The following POLR3B variants were observed in gnomAD, a reference collection of about 807,000 sequenced individuals.
POLR3B encodes RNA polymerase III subunit B.
Under a neutral mutation model 147.4 loss-of-function variants are expected in POLR3B, and 96 were observed. That is an observed-to-expected ratio of 0.65 (90% CI 0.55 to 0.77). POLR3B has a LOEUF of 0.77. Among genes scored for constraint, POLR3B ranks in the 30% least tolerant of loss-of-function variants. The probability of loss-of-function intolerance (pLI) is 0.00; values close to 1 mark genes in which losing one functional copy is unlikely to be tolerated. For synonymous variants in POLR3B, 461 were observed against 485.9 expected (o/e 0.95, Z 0.67); for missense variants, 1,036 against 1,413.5 (o/e 0.73, Z 4.28).
intron 23 of POLR3B, among the ~76,000 whole-genome samples, chr12:106,480,335 C>T (rs1246572524): frequency 2.6e-5 from 4 of 152,172 alleles, no homozygotes; most frequent in African/African-American, 9.7e-5. Flanking sequence ...TAGTGAATAT[C>T]ATTGCTGGGT....
intron 10 of POLR3B, among the ~76,000 whole-genome samples, chr12:106,399,906 C>T (rs1159296008): frequency 6.6e-6 from 1 of 152,156 alleles, no homozygotes; most frequent in Admixed American, 6.5e-5. Context: ...ACTGTCAAGG[C>T]TAGGAAGAAA....
intron 1 of POLR3B, among the ~76,000 whole-genome samples, chr12:106,363,510 T>C (rs928523908): frequency 1.3e-5 from 2 of 152,226 alleles, no homozygotes; most frequent in Non-Finnish European, 2.9e-5. Flanking sequence ...AGAACTCCCT[T>C]TGGGTCTTGA....
rs150628464 is a variant in POLR3B at position 106,504,682 on chromosome 12, T to C, written c.3272+428T>C. Among the ~76,000 whole-genome samples the C allele has an allele frequency of 8.2e-4, 125 of 152,260 alleles. No individual in the cohort carries two copies. The East Asian group carries it at 0.023, about 28-fold the overall frequency. On this transcript the variant is annotated intron_variant, in intron 27 of 27. Coordinates refer to ENST00000228347, the MANE Select transcript of POLR3B (RefSeq NM_018082.6). This position sits in a 1 kb window ranked among gnomAD's most constrained non-coding sequence, Gnocchi z 4.6. Reference sequence around the variant, plus strand: ...ATGCTGCCCCAGGTCTTATAGCAAATTGGTGACAGAGCCAAGAGCCAAGAC... The same window carrying C: ...ATGCTGCCCCAGGTCTTATAGCAAACTGGTGACAGAGCCAAGAGCCAAGAC...
chr12:106,454,457 C>A, intron 19 of POLR3B, 45 bp from the exon 20 acceptor site: 1 of 907,514 alleles, frequency 1.1e-6, no homozygotes, highest in Non-Finnish European at 1.9e-6. Flanking sequence ...CTTATTATTT[C>A]ACATAATAGA....
At position 106,509,868 on chromosome 12, in the gene POLR3B, T is replaced by G; in HGVS notation, c.*319T>G. The G allele has an allele frequency of 3.8e-6, 1 of 260,216 alleles. No individual in the cohort carries two copies. Among genetic ancestry groups the G allele is most frequent in the South Asian group, 4.8e-5 (1 of 20,808 alleles). The allele number at this position is 260,216 out of a possible 1,614,324, so 16.1% of individuals were successfully genotyped here. On this transcript the variant is annotated 3_prime_UTR_variant, in exon 28 of 28. Coordinates refer to ENST00000228347, the MANE Select transcript of POLR3B (RefSeq NM_018082.6). ...TTGACATTCACTCATTAGAAGACCT[T>G]ACTCCTTCAAGCAAATGTTTGGGGT...
At chr12:106,499,748 G>A (rs2038565241) in intron 25 of POLR3B, among the ~76,000 whole-genome samples, 1 of 152,116 alleles carries the variant, frequency 6.6e-6, no homozygotes, top group Non-Finnish European at 1.5e-5. Context: ...ACAAAACCAA[G>A]ACAAGGACAG....
chr12:106,380,299 C>T (rs1306647940), intron 9 of POLR3B, among the ~76,000 whole-genome samples, 160 bp downstream of exon 9: 2 of 150,424 alleles, frequency 1.3e-5, no homozygotes, highest in Admixed American at 1.3e-4. Flanking sequence ...GCTGGCTGGG[C>T]GTGGTGGGTC....
Position 106,457,202 on chromosome 12 carries a change from TTTTGA to T in POLR3B, c.2360_2364del (p.Phe787Ter). 6.2e-7 allele frequency: 1 copy of T among 1,613,400 alleles called. No individual in the cohort carries two copies. Among genetic ancestry groups the T allele is most frequent in the Non-Finnish European group, 8.5e-7 (1 of 1,179,376 alleles). On this transcript the variant is annotated frameshift_variant, in exon 21 of 28. Coordinates refer to ENST00000228347, the MANE Select transcript of POLR3B (RefSeq NM_018082.6). LOFTEE classifies it high-confidence loss of function. The stretch of plus-strand genomic sequence containing the variant: ...CGTTGAAACGATACACCAATCAGAC[TTTTGA>T]TAAAGTGATGGGGCCCATGTTGGAT...
At chr12:106,458,190 C>T (rs763898655) in intron 21 of POLR3B, among the ~76,000 whole-genome samples, 12 of 152,080 alleles carry the variant, frequency 7.9e-5, no homozygotes, top group Middle Eastern at 3.2e-3. Flanking sequence ...GGCACAATCT[C>T]AGCTCACTGC....
intron 23 of POLR3B, among the ~76,000 whole-genome samples, chr12:106,482,298 G>T (rs201647875): frequency 2.0e-5 from 3 of 152,120 alleles, no homozygotes; most frequent in Non-Finnish European, 2.9e-5. Flanking sequence ...AGAATACCTT[G>T]TTGGCTAACT....
At position 106,498,559 on chromosome 12, in the gene POLR3B, G is replaced by GT. The variant is rs1018486258; in HGVS notation, c.2984+1649dup. On this transcript the variant is annotated intron_variant, in intron 25 of 27. Coordinates refer to ENST00000228347, the MANE Select transcript of POLR3B (RefSeq NM_018082.6). The stretch of plus-strand genomic sequence containing the variant: ...TGTTGTTTTTTGTTTGGTTTTGGGA[G>GT]TTTTTTTTGTTTTTTGGGGTTTGTT... 1.3e-4 allele frequency among the ~76,000 whole-genome samples: 20 copies of GT among 151,056 alleles called. No homozygotes were observed. The East Asian group carries it at 1.7e-3, about 13-fold the overall frequency.
chr12:106,484,423 T>C (rs1045940631), intron 23 of POLR3B, among the ~76,000 whole-genome samples: 4 of 152,078 alleles, frequency 2.6e-5, no homozygotes, highest in African/African-American at 9.7e-5. Flanking sequence ...TAAACAAGAC[T>C]GATGGGGTCT....
At chr12:106,482,487 C>T (rs896682567) in intron 23 of POLR3B, among the ~76,000 whole-genome samples, 4 of 152,000 alleles carry the variant, frequency 2.6e-5, no homozygotes, top group East Asian at 3.9e-4. Context: ...ACATCTTACA[C>T]GGCCAGAGCA....
At chr12:106,441,584 A>C (rs2037651723) in intron 18 of POLR3B, among the ~76,000 whole-genome samples, 1 of 152,210 alleles carries the variant, frequency 6.6e-6, no homozygotes, top group Non-Finnish European at 1.5e-5. Context: ...TGTTGACCAA[A>C]ATGTTATGTG....
intron 9 of POLR3B, among the ~76,000 whole-genome samples, chr12:106,390,645 TAAAA>T (rs1008965984): frequency 7.1e-6 from 1 of 140,386 alleles, no homozygotes; most frequent in African/African-American, 2.7e-5. Context: ...AATTGGAGGT[TAAAA>T]AAAAAGACTG....
intron 6 of POLR3B, among the ~76,000 whole-genome samples, chr12:106,375,537 A>G (rs897491792): frequency 3.3e-5 from 5 of 152,152 alleles, no homozygotes; most frequent in African/African-American, 1.2e-4. Context: ...TCTGAAATTC[A>G]TTCTCAGTAA....
chr12:106,507,805 T>G (rs966046762), intron 27 of POLR3B: 1 of 455,912 alleles, frequency 2.2e-6, no homozygotes, highest in African/African-American at 2.0e-5. Context: ...TTCTTGCTTT[T>G]CTTTTCTAAA....
intron 23 of POLR3B, 26 bp downstream of exon 23, chr12:106,463,646 A>T (rs1470681206): frequency 1.9e-6 from 3 of 1,589,426 alleles, no homozygotes; most frequent in Non-Finnish European, 2.6e-6. Flanking sequence ...TCTCAACTTG[A>T]TTATAAAACA....
intron 23 of POLR3B, among the ~76,000 whole-genome samples, chr12:106,464,823 C>T (rs766225341): frequency 1.6e-4 from 24 of 152,274 alleles, no homozygotes; most frequent in South Asian, 4.1e-4. Context: ...ATCCATGTTA[C>T]GGTTTTCTTG....
Sources: allele counts gnomAD v4.1 joint callset (sites outside exome capture counted in the v4.1 genomes callset), GRCh38; gene constraint gnomAD v4.1.1; non-coding constraint Gnocchi (gnomAD v3.1); transcripts MANE v1.5; gene names NCBI Gene and HGNC (gene_info 2026-07-23, HGNC 2026-07-21).